The following HMGB1 variants were observed in gnomAD, a reference collection of about 807,000 sequenced individuals.
HMGB1 encodes the protein high mobility group protein B1.
For missense variants in HMGB1, 79 were observed against 253.5 expected, an observed-to-expected ratio of 0.31 and a Z score of 4.67; for synonymous variants, 81 against 84.0, an observed-to-expected ratio of 0.96 and a Z score of 0.19.
intron 1 of HMGB1, among the ~76,000 whole-genome samples, chr13:30,516,849 C>T (rs907222068): frequency 3.9e-5 from 6 of 152,018 alleles, no homozygotes; most frequent in Non-Finnish European, 8.8e-5. Context: ...ACTGGGAGAT[C>T]GAGGCTGCAA....
chr13:30,519,565 T>C (rs1888189116), intron 1 of HMGB1, among the ~76,000 whole-genome samples: 1 of 149,672 alleles, frequency 6.7e-6, no homozygotes, highest in Non-Finnish European at 1.5e-5. Flanking sequence ...CCAGGCGTGG[T>C]GGCGGGCGCC....
chr13:30,533,290 G>A (rs1291479465), intron 1 of HMGB1, among the ~76,000 whole-genome samples: 1 of 152,246 alleles, frequency 6.6e-6, no homozygotes, highest in Non-Finnish European at 1.5e-5. Context: ...CTCCAATGTG[G>A]CTCAGTTAGG....
chr13:30,535,180 TG>T (rs1388598873), intron 1 of HMGB1, among the ~76,000 whole-genome samples: 6 of 152,220 alleles, frequency 3.9e-5, no homozygotes, highest in Non-Finnish European at 5.9e-5. Flanking sequence ...ATCACAGAAT[TG>T]TAGCCTCTGT....
intron 1 of HMGB1, among the ~76,000 whole-genome samples, chr13:30,616,423 T>C (rs1004389031): frequency 5.3e-5 from 8 of 152,260 alleles, no homozygotes; most frequent in Non-Finnish European, 8.8e-5. Flanking sequence ...ACCAATTGTT[T>C]TGTTCAATTT....
At chr13:30,499,973 A>AG (rs1375603638) in intron 1 of HMGB1, among the ~76,000 whole-genome samples, 1 of 152,184 alleles carries the variant, frequency 6.6e-6, no homozygotes, top group Non-Finnish European at 1.5e-5. Context: ...TGCCAATGTA[A>AG]CAGTATTAAG....
intron 1 of HMGB1, among the ~76,000 whole-genome samples, chr13:30,579,721 G>A (rs1870819868): frequency 6.6e-6 from 1 of 152,082 alleles, no homozygotes; most frequent in Admixed American, 6.6e-5. Context: ...CTGGCACTTA[G>A]TATTTATTCA....
At chr13:30,515,725 T>C (rs1888088353) in intron 1 of HMGB1, among the ~76,000 whole-genome samples, 1 of 149,620 alleles carries the variant, frequency 6.7e-6, no homozygotes, top group Admixed American at 6.7e-5. Flanking sequence ...CTAGAAGGGA[T>C]GTTTTTAGAA....
At chr13:30,591,412 A>G (rs1337936046) in intron 1 of HMGB1, among the ~76,000 whole-genome samples, 2 of 152,198 alleles carry the variant, frequency 1.3e-5, no homozygotes, top group Admixed American at 1.3e-4. Flanking sequence ...TTTGATATAA[A>G]AAAGAAACAC....
chr13:30,528,224 T>C (rs1196858252), intron 1 of HMGB1, among the ~76,000 whole-genome samples: 1 of 152,214 alleles, frequency 6.6e-6, no homozygotes, highest in East Asian at 1.9e-4. Flanking sequence ...ATGAAATGTC[T>C]TTTTTCAGGT....
intron 1 of HMGB1, among the ~76,000 whole-genome samples, chr13:30,580,476 T>G (rs144075137): frequency 7.8e-4 from 119 of 152,310 alleles, no homozygotes; most frequent in African/African-American, 2.9e-3. Context: ...TATTTAAAAA[T>G]TCATCCACTG....
At chr13:30,525,142 A>G (rs1181573394) in intron 1 of HMGB1, among the ~76,000 whole-genome samples, 1 of 152,226 alleles carries the variant, frequency 6.6e-6, no homozygotes, top group Non-Finnish European at 1.5e-5. Flanking sequence ...GGCAAAAATA[A>G]GAATAGAAAC....
At chr13:30,487,863 C>T (rs567251800) in intron 1 of HMGB1, among the ~76,000 whole-genome samples, 9 of 152,156 alleles carry the variant, frequency 5.9e-5, no homozygotes, top group South Asian at 2.1e-4. Flanking sequence ...TTGAAAATCA[C>T]GGGTTCTAAG....
chr13:30,568,878 T>C (rs117231451), intron 1 of HMGB1, among the ~76,000 whole-genome samples: 8 of 152,092 alleles, frequency 5.3e-5, no homozygotes, highest in Admixed American at 1.3e-4. Flanking sequence ...ATACACAGTA[T>C]AAAAAAATAA....
At chr13:30,524,725 A>AATT (rs1189318579) in intron 1 of HMGB1, among the ~76,000 whole-genome samples, 1 of 139,484 alleles carries the variant, frequency 7.2e-6, no homozygotes, top group Non-Finnish European at 1.6e-5. Context: ...TAATAATAAT[A>AATT]ATTTGGTGAA....
chr13:30,466,304 C>CA (rs1017377774), upstream of HMGB1, among the ~76,000 whole-genome samples: 55 of 151,720 alleles, frequency 3.6e-4, no homozygotes, highest in Admixed American at 1.8e-3. Flanking sequence ...TCTCCCCCCC[C>CA]CTTCTTGCCC....
Position 30,588,585 on chromosome 13 carries a change from G to C in HMGB1, c.-15+28086C>G, listed in dbSNP as rs528177566. Reference sequence around the variant, plus strand: ...TGGACACAAAAGATCTTAAAGTTGAGTCAAAAGAGTACAATGAAAGCATTA... The same window carrying C: ...TGGACACAAAAGATCTTAAAGTTGACTCAAAAGAGTACAATGAAAGCATTA... On this transcript the variant is annotated intron_variant, in intron 1 of 4. Coordinates refer to the HMGB1 transcript ENST00000405805. Among the ~76,000 whole-genome samples, 8 of 152,328 alleles carry C rather than the reference G, an allele frequency of 5.3e-5. No individual in the cohort carries two copies. The South Asian group carries it at 1.7e-3, about 32-fold the overall frequency.
chr13:30,566,365 G>C (rs887651778), intron 1 of HMGB1, among the ~76,000 whole-genome samples: 9 of 152,144 alleles, frequency 5.9e-5, no homozygotes, highest in African/African-American at 2.2e-4. Context: ...GAGTTTCTGG[G>C]CCACATATGG....
intron 1 of HMGB1, among the ~76,000 whole-genome samples, chr13:30,538,472 TTCTTTCTTTC>T (rs1244143688): frequency 2.8e-5 from 1 of 35,388 alleles, no homozygotes; most frequent in African/African-American, 8.9e-5. Context: ...CTTTCTTTCT[TTCTTTCTTTC>T]TTTCTTTCTT....
chr13:30,473,417 G>A (rs1342597269), intron 1 of HMGB1, among the ~76,000 whole-genome samples: 2 of 152,148 alleles, frequency 1.3e-5, no homozygotes, highest in Non-Finnish European at 2.9e-5. Context: ...AGTGGAAAAC[G>A]CAATAGTAAA....
Sources: allele counts gnomAD v4.1 joint callset (sites outside exome capture counted in the v4.1 genomes callset), GRCh38; gene constraint gnomAD v4.1.1; transcripts MANE v1.5; gene names NCBI Gene and HGNC (gene_info 2026-07-23, HGNC 2026-07-21).